The following CNTN5 variants were observed in gnomAD, a reference collection of about 807,000 sequenced individuals.
CNTN5 encodes contactin-5.
In CNTN5, 77 loss-of-function variants were observed where a neutral mutation model predicts 129.1. The observed-to-expected ratio is 0.60, with a 90% CI of 0.50 to 0.72. CNTN5 has a LOEUF of 0.72. Among genes scored for constraint, CNTN5 ranks in the 30% least tolerant of loss-of-function variants. CNTN5 has a pLI of 0.00. For synonymous variants in CNTN5, 509 were observed against 465.6 expected, an observed-to-expected ratio of 1.09 and a Z score of -1.20; for missense variants, 1,478 against 1,328.8, an observed-to-expected ratio of 1.11 and a Z score of -1.75.
intron 1 of CNTN5, among the ~76,000 whole-genome samples, chr11:99,034,567 G>A (rs1213199511): frequency 6.6e-6 from 1 of 151,448 alleles, no homozygotes; most frequent in East Asian, 1.9e-4. Flanking sequence ...AGAGGTGTTT[G>A]TAGTATTCTC....
intron 1 of CNTN5, among the ~76,000 whole-genome samples, chr11:99,296,377 A>G (rs577527436): frequency 3.5e-4 from 54 of 152,282 alleles, no homozygotes; most frequent in African/African-American, 1.3e-3. Context: ...AGAAGATCCA[A>G]TCTTCAGGTT....
chr11:99,107,000 C>G (rs1867027398), intron 1 of CNTN5, among the ~76,000 whole-genome samples: 1 of 152,094 alleles, frequency 6.6e-6, no homozygotes, highest in Admixed American at 6.6e-5. Flanking sequence ...ATTCATAAAA[C>G]TCAACTGAAG....
At chr11:100,239,833 T>G (rs983992782) in intron 16 of CNTN5, among the ~76,000 whole-genome samples, 10 of 152,208 alleles carry the variant, frequency 6.6e-5, no homozygotes, top group Non-Finnish European at 8.8e-5. Context: ...GCATTCTCAT[T>G]TGTCAGCACT....
intron 3 of CNTN5, among the ~76,000 whole-genome samples, chr11:99,644,113 A>G (rs1333297960): frequency 6.6e-6 from 1 of 152,016 alleles, no homozygotes; most frequent in East Asian, 1.9e-4. Context: ...GCCTCTAAAC[A>G]TATGCCCATA....
chr11:100,303,305 G>C (rs918522152), intron 20 of CNTN5, among the ~76,000 whole-genome samples: 2 of 151,426 alleles, frequency 1.3e-5, no homozygotes, highest in Non-Finnish European at 3.0e-5. Context: ...AAAAAGAATA[G>C]TGAAGTTTCA....
At chr11:99,910,353 C>T (rs534165553) in intron 6 of CNTN5, among the ~76,000 whole-genome samples, 5 of 152,110 alleles carry the variant, frequency 3.3e-5, no homozygotes, top group African/African-American at 9.6e-5. Flanking sequence ...TATTAAGAAT[C>T]TTATTTGCTC....
chr11:99,526,217 G>A (rs1022133885), intron 2 of CNTN5, among the ~76,000 whole-genome samples: 2 of 152,288 alleles, frequency 1.3e-5, no homozygotes, highest in African/African-American at 2.4e-5. Context: ...AAATGACGTG[G>A]TAGAAGAAGA....
At position 99,625,830 on chromosome 11, in the gene CNTN5, G is replaced by T. The variant is rs138609425; in HGVS notation, c.55+69561G>T. Among the ~76,000 whole-genome samples, 11 of 151,692 alleles carry T rather than the reference G, an allele frequency of 7.3e-5. 1 individual carries two copies. In the South Asian group the frequency reaches 1.2e-3, roughly 17 times the overall value. ...TACTTTTTAGATATTTCACGATGAC[G>T]TAAGAAGTAGAAAGATGAGTGAAAT... On this transcript the variant is annotated intron_variant, in intron 3 of 24. Coordinates refer to ENST00000524871, the MANE Select transcript of CNTN5 (RefSeq NM_014361.4).
At chr11:99,546,682 G>A (rs1948303512) in intron 2 of CNTN5, among the ~76,000 whole-genome samples, 1 of 152,058 alleles carries the variant, frequency 6.6e-6, no homozygotes. Context: ...ATTTATGATG[G>A]TGTTTTTAAT....
chr11:100,074,634 G>A (rs1006304658), intron 13 of CNTN5, among the ~76,000 whole-genome samples: 1 of 152,118 alleles, frequency 6.6e-6, no homozygotes, highest in Non-Finnish European at 1.5e-5. Context: ...TTTAAGCATT[G>A]TGTTTTAATT....
chr11:99,723,654 A>G (rs1943244422), intron 3 of CNTN5, among the ~76,000 whole-genome samples: 1 of 152,078 alleles, frequency 6.6e-6, no homozygotes, highest in Admixed American at 6.6e-5. Context: ...CTCCTCTGCC[A>G]CTGTAAGTTT....
intron 1 of CNTN5, among the ~76,000 whole-genome samples, chr11:99,040,371 C>T (rs1863940063): frequency 6.6e-6 from 1 of 151,910 alleles, no homozygotes; most frequent in South Asian, 2.1e-4. Flanking sequence ...CTTGTTTCAC[C>T]ATAAAATTTA....
At chr11:99,664,908 A>ACCCC (rs1462159496) in intron 3 of CNTN5, among the ~76,000 whole-genome samples, 21 of 152,208 alleles carry the variant, frequency 1.4e-4, no homozygotes, top group African/African-American at 4.3e-4. Context: ...TATAATGTGG[A>ACCCC]ATGCCAAATG....
At chr11:99,080,728 G>C (rs1015671242) in intron 1 of CNTN5, among the ~76,000 whole-genome samples, 8 of 152,296 alleles carry the variant, frequency 5.3e-5, no homozygotes, top group Non-Finnish European at 8.8e-5. Context: ...CTGAGGAAGA[G>C]AGGAAGGAAT....
intron 3 of CNTN5, among the ~76,000 whole-genome samples, chr11:99,654,031 G>A (rs1250565671): frequency 6.6e-6 from 1 of 151,342 alleles, no homozygotes; most frequent in Admixed American, 6.6e-5. Context: ...AATCAAAAAA[G>A]CCGTTAATGA....
chr11:100,149,917 AG>A (rs1294260542), intron 13 of CNTN5, among the ~76,000 whole-genome samples: 2 of 150,070 alleles, frequency 1.3e-5, no homozygotes, highest in Non-Finnish European at 2.9e-5. Context: ...AGAAAAGAAA[AG>A]AAAAAAAAAA....
intron 8 of CNTN5, among the ~76,000 whole-genome samples, chr11:99,971,702 A>T (rs1046794391): frequency 6.6e-6 from 1 of 152,002 alleles, no homozygotes; most frequent in Non-Finnish European, 1.5e-5. Flanking sequence ...TCTCCCACAG[A>T]TTGAAATTAT....
At chr11:99,817,595 A>ATTTTT (rs1946629850) in intron 3 of CNTN5, among the ~76,000 whole-genome samples, 1 of 73,852 alleles carries the variant, frequency 1.4e-5, no homozygotes, top group Non-Finnish European at 2.5e-5. Flanking sequence ...AGTCTGGGAT[A>ATTTTT]GTTTTTTTTT....
Position 100,094,502 on chromosome 11 carries a change from C to A in CNTN5, c.1580+20208C>A, listed in dbSNP as rs184633027. On this transcript the variant is annotated intron_variant, in intron 13 of 24. Transcript: ENST00000524871. ...AAACCTTTTAAGACTTTAATGTTAT[C>A]AAACGTTTAAATAATATTTCCCTAA... is the stretch of plus-strand genomic sequence containing the variant. Among the ~76,000 whole-genome samples the A allele has an allele frequency of 1.1e-3, 165 of 152,166 alleles. 1 individual carries two copies. The highest frequency in any genetic ancestry group is 3.9e-3 in the African/African-American group (162 of 41,540).
Sources: gnomAD v4.1 joint callset for allele counts (sites outside exome capture counted in the v4.1 genomes callset) on GRCh38, gnomAD v4.1.1 for gene constraint, MANE v1.5 for transcripts, NCBI Gene and HGNC (gene_info 2026-07-23, HGNC 2026-07-21) for gene names.